The following NPAS3 variants were observed in gnomAD, a reference collection of about 807,000 sequenced individuals.
NPAS3 encodes neuronal PAS domain protein 3, also known as neuronal PAS domain-containing protein 3.
Under a neutral mutation model 73.1 loss-of-function variants are expected in NPAS3, and 14 were observed. That is an observed-to-expected ratio of 0.19 (90% CI 0.13 to 0.30). The LOEUF (loss-of-function observed/expected upper bound fraction) is 0.30. Ranked by LOEUF, NPAS3 falls within the 10% of genes least tolerant of loss-of-function variation. The pLI is 1.00. For synonymous variants in NPAS3, 620 were observed against 541.5 expected (o/e 1.14, Z -2.01); for missense variants, 1,096 against 1,250.0 (o/e 0.88, Z 1.86).
intron 3 of NPAS3, among the ~76,000 whole-genome samples, chr14:33,342,711 A>T (rs2044543706): frequency 6.6e-6 from 1 of 152,040 alleles, no homozygotes; most frequent in Non-Finnish European, 1.5e-5. Context: ...GCTTTGGTGC[A>T]TGCTTTAATA....
chr14:32,938,235 T>A (rs1053819208), upstream of NPAS3, among the ~76,000 whole-genome samples: 5 of 152,000 alleles, frequency 3.3e-5, no homozygotes, highest in Non-Finnish European at 7.4e-5. Flanking sequence ...CTTGGGCCCA[T>A]CTGCTTGGGC....
intron 2 of NPAS3, among the ~76,000 whole-genome samples, chr14:33,150,324 C>G (rs1449211975): frequency 6.6e-6 from 1 of 152,220 alleles, no homozygotes; most frequent in African/African-American, 2.4e-5. Context: ...CATCCTTCAT[C>G]AAAGTTATTT....
At chr14:33,523,599 C>A (rs984425422) in intron 4 of NPAS3, among the ~76,000 whole-genome samples, 5 of 151,702 alleles carry the variant, frequency 3.3e-5, no homozygotes, top group African/African-American at 1.2e-4. Flanking sequence ...CTCGTCTCCA[C>A]TAAAAATACA....
At chr14:33,297,819 G>A (rs910455755) in intron 3 of NPAS3, among the ~76,000 whole-genome samples, 2 of 152,240 alleles carry the variant, frequency 1.3e-5, no homozygotes, top group East Asian at 1.9e-4. Context: ...TGCTGCCACC[G>A]CGTGAGAAAT....
At chr14:33,299,032 G>A (rs554336875) in intron 3 of NPAS3, among the ~76,000 whole-genome samples, 21 of 152,300 alleles carry the variant, frequency 1.4e-4, no homozygotes, top group African/African-American at 5.1e-4. Flanking sequence ...GGTAAACGTA[G>A]CATTGTGACA....
intron 5 of NPAS3, among the ~76,000 whole-genome samples, chr14:33,597,509 C>A (rs572839398): frequency 7.9e-5 from 12 of 152,206 alleles, no homozygotes; most frequent in Non-Finnish European, 1.8e-4. Flanking sequence ...TGTCTCATGG[C>A]ATCTCAATTT....
intron 5 of NPAS3, among the ~76,000 whole-genome samples, chr14:33,564,673 C>T (rs1181901104): frequency 6.6e-6 from 1 of 152,190 alleles, no homozygotes; most frequent in East Asian, 1.9e-4. Flanking sequence ...TTGCCAGAGG[C>T]AGAGGACATG....
chr14:33,304,134 A>T (rs1271473182), intron 3 of NPAS3, among the ~76,000 whole-genome samples: 1 of 152,154 alleles, frequency 6.6e-6, no homozygotes, highest in Non-Finnish European at 1.5e-5. Flanking sequence ...AATTTTTATT[A>T]ATGATTCATC....
intron 2 of NPAS3, among the ~76,000 whole-genome samples, chr14:33,068,617 A>G (rs2041363542): frequency 6.6e-6 from 1 of 152,250 alleles, no homozygotes. Context: ...ATAGTCTGTT[A>G]CATGGCAGTC....
Position 33,044,515 on chromosome 14 carries a change from CA to C in NPAS3, c.51-11388del, listed in dbSNP as rs377062436. Among the ~76,000 whole-genome samples, 209 of 152,184 alleles carry C rather than the reference CA, an allele frequency of 1.4e-3. 1 individual carries two copies. Among genetic ancestry groups the C allele is most frequent in the Middle Eastern group, 6.8e-3 (2 of 294 alleles). On this transcript the variant is annotated intron_variant, in intron 1 of 11. Coordinates refer to ENST00000356141, the Ensembl canonical transcript of NPAS3. ...GCAACAATTCTTATTTATTTTCAGA[CA>C]ATTTAGGGAAGTCTGTGTAGTTTCC...
At chr14:33,018,117 A>G (rs1007170973) in intron 1 of NPAS3, among the ~76,000 whole-genome samples, 7 of 152,196 alleles carry the variant, frequency 4.6e-5, no homozygotes, top group African/African-American at 1.7e-4. Flanking sequence ...TTCTCCAGCA[A>G]TTTGTTAAGA....
At chr14:33,051,355 A>G (rs2040705759) in intron 1 of NPAS3, among the ~76,000 whole-genome samples, 1 of 151,742 alleles carries the variant, frequency 6.6e-6, no homozygotes, top group Admixed American at 6.6e-5. Context: ...GAGATCCATC[A>G]GTCTCAAAAA....
At chr14:33,510,829 A>C (rs1268843620) in intron 4 of NPAS3, among the ~76,000 whole-genome samples, 2 of 152,068 alleles carry the variant, frequency 1.3e-5, no homozygotes, top group Non-Finnish European at 2.9e-5. Flanking sequence ...TGCAAGGCAA[A>C]ACGTACCCCC....
At chr14:33,176,490 T>A (rs1194137104) in intron 2 of NPAS3, among the ~76,000 whole-genome samples, 1 of 152,252 alleles carries the variant, frequency 6.6e-6, no homozygotes, top group Non-Finnish European at 1.5e-5. Context: ...CTTTTGTATT[T>A]GGCATGTTTC....
chr14:33,408,278 C>T (rs979844241), intron 4 of NPAS3, among the ~76,000 whole-genome samples: 1 of 152,102 alleles, frequency 6.6e-6, no homozygotes, highest in Admixed American at 6.6e-5. Context: ...AAGTTGGGTC[C>T]TTTCCAGTCA....
In NPAS3 at chr14:33,230,193, A is replaced by G. The variant is rs187670152; in HGVS notation, c.385+14767A>G. Among the ~76,000 whole-genome samples, 19 of 152,358 alleles carry G rather than the reference A, an allele frequency of 1.2e-4. No homozygotes were observed. In the East Asian group the frequency reaches 3.5e-3, roughly 28 times the overall value. On this transcript the variant is annotated intron_variant, in intron 3 of 11. Transcript: ENST00000356141. ...CTTTTACAGCAGTCCATTCTCTGAA[A>G]ATGAGTTTAAGTGCTGAAGGAAATG...
In NPAS3 at chr14:32,940,623, C is replaced by T. The variant is rs570688406; in HGVS notation, c.50+1257C>T. 3.9e-5 allele frequency among the ~76,000 whole-genome samples: 6 copies of T among 152,314 alleles called. No individual in the cohort carries two copies. The East Asian group carries it at 7.7e-4, about 20-fold the overall frequency. ...GCAGCAGGCGCGTTGATTTTCCTCA[C>T]AGGCTTAAGTGAACTTGAAAAGAAG... On this transcript the variant is annotated intron_variant, in intron 1 of 11. Transcript: ENST00000356141.
chr14:32,952,053 A>T (rs945744514), intron 1 of NPAS3, among the ~76,000 whole-genome samples: 1 of 152,050 alleles, frequency 6.6e-6, no homozygotes. Flanking sequence ...TTTTTGTAAG[A>T]TGATTAACTT....
intron 5 of NPAS3, among the ~76,000 whole-genome samples, chr14:33,672,842 G>C (rs1298196063): frequency 1.3e-5 from 2 of 152,212 alleles, no homozygotes; most frequent in African/African-American, 2.4e-5. Context: ...GGACTGTAGG[G>C]CTTTTTCCCA....
Sources: allele counts gnomAD v4.1 joint callset (sites outside exome capture counted in the v4.1 genomes callset), GRCh38; gene constraint gnomAD v4.1.1; transcripts MANE v1.5; gene names NCBI Gene and HGNC (gene_info 2026-07-23, HGNC 2026-07-21).